Variants in C12orf42 observed in about 807,000 individuals in gnomAD.
C12orf42 encodes the protein chromosome 12 open reading frame 42, also known as uncharacterized protein C12orf42.
C12orf42 carries 25 observed loss-of-function variants against 21.6 expected under a neutral mutation model. The ratio of observed to expected loss-of-function variants is 1.16; its 90% CI spans 0.84 to 1.62. The LOEUF (loss-of-function observed/expected upper bound fraction) is 1.62. Among genes scored for constraint, C12orf42 ranks in the 40% most tolerant of loss-of-function variants. The pLI, the probability that C12orf42 is intolerant of heterozygous loss-of-function variation, is 0.00. For synonymous variants in C12orf42, 174 were observed against 175.0 expected (o/e 0.99, Z 0.05); for missense variants, 483 against 459.3 (o/e 1.05, Z -0.47).
chr12:103,204,313 A>T, the C12orf42 span, among the ~76,000 whole-genome samples: 1 of 152,154 alleles, frequency 6.6e-6, no homozygotes, highest in Non-Finnish European at 1.5e-5. Context: ...TCAGTCCATT[A>T]ACTCATTTAA....
At chr12:103,201,522 C>T in the C12orf42 span, among the ~76,000 whole-genome samples, 1 of 152,016 alleles carries the variant, frequency 6.6e-6, no homozygotes, top group Non-Finnish European at 1.5e-5. Flanking sequence ...AAAAGTTTTG[C>T]TCAGCTCATG....
intron 10 of C12orf42, among the ~76,000 whole-genome samples, chr12:103,260,515 T>G (rs1357827019): frequency 2.0e-5 from 3 of 152,232 alleles, no homozygotes; most frequent in Non-Finnish European, 4.4e-5. Context: ...GTAATGGTTT[T>G]GTACTCAAGT....
At chr12:103,202,138 C>T in the C12orf42 span, among the ~76,000 whole-genome samples, 285 of 152,292 alleles carry the variant, frequency 1.9e-3, no homozygotes, top group African/African-American at 6.5e-3. Context: ...TCTAAACCTA[C>T]GATTTCCTGT....
the C12orf42 span, among the ~76,000 whole-genome samples, chr12:103,059,917 G>A: frequency 1.3e-5 from 2 of 152,148 alleles, no homozygotes; most frequent in Non-Finnish European, 2.9e-5. Context: ...TTGAAAACCG[G>A]CACAAGACAA....
chr12:103,349,608 G>A (rs1316535520), intron 4 of C12orf42, among the ~76,000 whole-genome samples: 7 of 151,948 alleles, frequency 4.6e-5, no homozygotes, highest in Non-Finnish European at 1.0e-4. Flanking sequence ...AAGAAAAACT[G>A]TGTAAGTATC....
the C12orf42 span, among the ~76,000 whole-genome samples, chr12:103,125,994 A>T: frequency 6.6e-6 from 1 of 152,212 alleles, no homozygotes; most frequent in African/African-American, 2.4e-5. Flanking sequence ...ACTCAGAGTT[A>T]CTATGCTGGA....
the C12orf42 span, among the ~76,000 whole-genome samples, chr12:103,200,349 T>C: frequency 6.6e-6 from 1 of 152,194 alleles, no homozygotes; most frequent in Non-Finnish European, 1.5e-5. Context: ...CAGAGAGGTA[T>C]TAGTCAAAAG....
chr12:103,436,855 A>G (rs1950764368), intron 2 of C12orf42, among the ~76,000 whole-genome samples: 1 of 149,970 alleles, frequency 6.7e-6, no homozygotes, highest in Non-Finnish European at 1.5e-5. Context: ...ATGAGACAGA[A>G]AGTCAACAAG....
chr12:103,431,540 C>T (rs1382217442), intron 2 of C12orf42, among the ~76,000 whole-genome samples: 1 of 152,040 alleles, frequency 6.6e-6, no homozygotes, highest in African/African-American at 2.4e-5. Flanking sequence ...CTCTTGAGTT[C>T]CTCATAGTTA....
At chr12:103,366,676 A>G (rs556300458) in intron 4 of C12orf42, among the ~76,000 whole-genome samples, 1 of 152,056 alleles carries the variant, frequency 6.6e-6, no homozygotes, top group African/African-American at 2.4e-5. Flanking sequence ...TTCTCAAAAG[A>G]TATACAAATG....
the C12orf42 span, among the ~76,000 whole-genome samples, chr12:103,550,190 C>T: frequency 6.6e-6 from 1 of 152,024 alleles, no homozygotes; most frequent in African/African-American, 2.4e-5. Context: ...AACGAATTTC[C>T]TTTTCTTTCA....
At chr12:103,228,535 C>T in the C12orf42 span, among the ~76,000 whole-genome samples, 414 of 152,212 alleles carry the variant, frequency 2.7e-3, no homozygotes, top group Non-Finnish European at 4.4e-3. Flanking sequence ...GATGGCTTGG[C>T]TTGGGCTCAG....
At chr12:103,461,368 A>G (rs1335799395) in intron 2 of C12orf42, among the ~76,000 whole-genome samples, 1 of 152,164 alleles carries the variant, frequency 6.6e-6, no homozygotes, top group Non-Finnish European at 1.5e-5. Context: ...ATTTTAGAGG[A>G]CAGATGATGT....
intron 2 of C12orf42, chr12:103,441,516 T>C (rs974342926): frequency 4.6e-5 from 7 of 152,144 alleles, no homozygotes; most frequent in Admixed American, 2.6e-4. Flanking sequence ...TGAACTCGGA[T>C]ATCTCTGTGG....
At chr12:103,241,169 A>G (rs1565989306) in intron 10 of C12orf42, among the ~76,000 whole-genome samples, 1 of 149,994 alleles carries the variant, frequency 6.7e-6, no homozygotes, top group African/African-American at 2.5e-5. Context: ...TATGAGAAGC[A>G]TAGCTGTTTT....
intron 4 of C12orf42, among the ~76,000 whole-genome samples, chr12:103,323,836 C>T (rs1303959504): frequency 6.6e-6 from 1 of 152,156 alleles, no homozygotes; most frequent in Non-Finnish European, 1.5e-5. Flanking sequence ...AAAAGAAATA[C>T]TCCCTTTGGT....
the C12orf42 span, among the ~76,000 whole-genome samples, chr12:103,183,350 G>A: frequency 6.6e-6 from 1 of 152,242 alleles, no homozygotes; most frequent in Non-Finnish European, 1.5e-5. Context: ...AAAGTGCTGG[G>A]ATTACAGGCG....
At chr12:103,449,505 A>T (rs1362275636) in intron 2 of C12orf42, among the ~76,000 whole-genome samples, 1 of 152,032 alleles carries the variant, frequency 6.6e-6, no homozygotes, top group East Asian at 1.9e-4. Context: ...AAATAAATTT[A>T]AAAAATAGAC....
At chr12:103,544,358 C>G in the C12orf42 span, among the ~76,000 whole-genome samples, 1 of 152,204 alleles carries the variant, frequency 6.6e-6, no homozygotes, top group Non-Finnish European at 1.5e-5. Context: ...TTCATCATTG[C>G]TATCCAGAAG....
Sources: gnomAD v4.1 joint callset for allele counts (sites outside exome capture counted in the v4.1 genomes callset) on GRCh38, gnomAD v4.1.1 for gene constraint, MANE v1.5 for transcripts, NCBI Gene and HGNC (gene_info 2026-07-23, HGNC 2026-07-21) for gene names.